The following MDGA2 variants were observed in gnomAD, a reference collection of about 807,000 sequenced individuals.
MDGA2 encodes the protein MAM domain-containing glycosylphosphatidylinositol anchor protein 2.
Under a neutral mutation model 117.8 loss-of-function variants are expected in MDGA2, and 40 were observed. The ratio of observed to expected loss-of-function variants is 0.34; its 90% confidence interval spans 0.26 to 0.44. MDGA2 has a LOEUF of 0.44. Among genes scored for constraint, MDGA2 ranks in the 20% least tolerant of loss-of-function variants. The pLI is 1.00. For missense variants in MDGA2, 1,123 were observed against 1,250.6 expected (o/e 0.90, Z 1.54); for synonymous variants, 452 against 439.0 (o/e 1.03, Z -0.37).
At chr14:47,347,283 T>C (rs754184818) in intron 1 of MDGA2, among the ~76,000 whole-genome samples, 1 of 152,122 alleles carries the variant, frequency 6.6e-6, no homozygotes, top group Non-Finnish European at 1.5e-5. Flanking sequence ...TAAGAATGGA[T>C]TAAGAATGGG....
intron 10 of MDGA2, among the ~76,000 whole-genome samples, chr14:46,896,011 A>C (rs1391382442): frequency 7.2e-5 from 11 of 152,144 alleles, no homozygotes; most frequent in Admixed American, 7.2e-4. Flanking sequence ...CTTTTGTAAA[A>C]TTATTTATAA....
intron 1 of MDGA2, among the ~76,000 whole-genome samples, chr14:47,496,635 G>T (rs1309547594): frequency 2.0e-5 from 3 of 151,886 alleles, no homozygotes; most frequent in Admixed American, 1.3e-4. Context: ...TTAAAAGAAA[G>T]ATATCTGATT....
chr14:47,595,612 T>C (rs566137710), intron 1 of MDGA2, among the ~76,000 whole-genome samples: 353 of 150,268 alleles, frequency 2.3e-3, no homozygotes, highest in African/African-American at 8.2e-3. Flanking sequence ...TGTTTTTAGC[T>C]GAATCGAAGT....
chr14:46,973,200 T>C (rs1886334725), intron 8 of MDGA2, among the ~76,000 whole-genome samples: 2 of 152,114 alleles, frequency 1.3e-5, no homozygotes, highest in Non-Finnish European at 2.9e-5. Context: ...TTGGAAAATA[T>C]TTTGGCAGTT....
intron 1 of MDGA2, among the ~76,000 whole-genome samples, chr14:47,574,874 CCA>C (rs1896088007): frequency 6.6e-6 from 1 of 152,128 alleles, no homozygotes; most frequent in Non-Finnish European, 1.5e-5. Flanking sequence ...AAGTCTGGCC[CCA>C]GAGTCTGTGC....
chr14:47,532,736 A>T (rs1269699370), intron 1 of MDGA2, among the ~76,000 whole-genome samples: 2 of 152,194 alleles, frequency 1.3e-5, no homozygotes, highest in Non-Finnish European at 2.9e-5. Context: ...TATTGCTGCC[A>T]GTAACAGTAG....
chr14:47,539,028 C>A (rs1895282826), intron 1 of MDGA2, among the ~76,000 whole-genome samples: 1 of 152,150 alleles, frequency 6.6e-6, no homozygotes, highest in Non-Finnish European at 1.5e-5. Context: ...GCTGAATTGT[C>A]CAGACCAGAA....
chr14:46,892,982 G>A (rs1223003935), intron 10 of MDGA2, among the ~76,000 whole-genome samples: 1 of 151,822 alleles, frequency 6.6e-6, no homozygotes, highest in African/African-American at 2.4e-5. Context: ...ACTACCATAT[G>A]ACCCAGAAAT....
intron 3 of MDGA2, among the ~76,000 whole-genome samples, chr14:47,175,147 G>T (rs1410553258): frequency 2.6e-5 from 4 of 151,380 alleles, no homozygotes; most frequent in African/African-American, 9.8e-5. Flanking sequence ...TGAAATTGTG[G>T]CAATAATCAA....
At chr14:47,351,419 A>T (rs1000394943) in intron 1 of MDGA2, among the ~76,000 whole-genome samples, 1 of 152,088 alleles carries the variant, frequency 6.6e-6, no homozygotes, top group African/African-American at 2.4e-5. Flanking sequence ...CACCAAACTG[A>T]CAGCTGCCAA....
At chr14:47,543,588 T>C (rs1199721392) in intron 1 of MDGA2, among the ~76,000 whole-genome samples, 3 of 152,192 alleles carry the variant, frequency 2.0e-5, no homozygotes, top group African/African-American at 4.8e-5. Flanking sequence ...TTTTTCCACA[T>C]GGTTAATAAG....
At chr14:47,317,296 T>C (rs1358693609) in intron 1 of MDGA2, among the ~76,000 whole-genome samples, 2 of 152,144 alleles carry the variant, frequency 1.3e-5, no homozygotes, top group Admixed American at 1.3e-4. Context: ...GATCACATAA[T>C]TCAATTCTGG....
At chr14:47,249,731 T>G (rs1393459974) in intron 2 of MDGA2, among the ~76,000 whole-genome samples, 1 of 152,160 alleles carries the variant, frequency 6.6e-6, no homozygotes, top group Non-Finnish European at 1.5e-5. Flanking sequence ...GAGAAACAGT[T>G]TTAGATTTTT....
intron 14 of MDGA2, among the ~76,000 whole-genome samples, chr14:46,858,398 T>C (rs888672700): frequency 1.4e-5 from 2 of 138,316 alleles, no homozygotes; most frequent in Non-Finnish European, 3.2e-5. Flanking sequence ...TATAATACTT[T>C]TTTTCTTTTC....
intron 2 of MDGA2, among the ~76,000 whole-genome samples, chr14:47,274,355 T>C (rs1163472506): frequency 2.0e-5 from 3 of 152,098 alleles, no homozygotes; most frequent in Non-Finnish European, 4.4e-5. Context: ...TATGACTACT[T>C]TCTTTATTAG....
intron 10 of MDGA2, among the ~76,000 whole-genome samples, chr14:46,909,695 C>A (rs1883627882): frequency 1.3e-5 from 2 of 152,036 alleles, no homozygotes; most frequent in Admixed American, 6.6e-5. Context: ...TTTAAAAATT[C>A]TTCCTTTATA....
rs116559533 is a variant in MDGA2, at chr14:47,421,563, T to C, written c.281-120013A>G. 8.7e-3 allele frequency among the ~76,000 whole-genome samples: 1,325 copies of C among 152,252 alleles called. 20 individuals are homozygous for C. Among genetic ancestry groups the C allele is most frequent in the African/African-American group, 0.03 (1,249 of 41,564 alleles). On this transcript the variant is annotated intron_variant, in intron 1 of 16. Coordinates refer to ENST00000399232, the MANE Select transcript of MDGA2 (RefSeq NM_001113498.3). ...AGTCTGTTATTTAAGGACAAAAAAG[T>C]ACAACCATACTGTGTTGATATTCAG... is the stretch of plus-strand genomic sequence containing the variant.
At chr14:47,213,609 G>A (rs189205429) in intron 3 of MDGA2, among the ~76,000 whole-genome samples, 156 of 114,034 alleles carry the variant, frequency 1.4e-3, no homozygotes, top group African/African-American at 5.2e-3. Flanking sequence ...GTATCTACTT[G>A]ATTGTAAAAT....
At chr14:47,211,882 T>C (rs1885896102) in intron 3 of MDGA2, among the ~76,000 whole-genome samples, 1 of 152,244 alleles carries the variant, frequency 6.6e-6, no homozygotes, top group South Asian at 2.1e-4. Flanking sequence ...ATTTATGTTA[T>C]TAACCTTATT....
Sources: gnomAD v4.1 joint callset for allele counts (sites outside exome capture counted in the v4.1 genomes callset) on GRCh38, gnomAD v4.1.1 for gene constraint, MANE v1.5 for transcripts, NCBI Gene and HGNC (gene_info 2026-07-23, HGNC 2026-07-21) for gene names.